Variants in PRKCH observed in about 807,000 individuals in gnomAD.
The protein encoded by PRKCH is protein kinase C eta type.
In PRKCH, 28 loss-of-function variants were observed where a neutral mutation model predicts 82.5. The observed-to-expected ratio is 0.34, with a 90% CI of 0.25 to 0.47. PRKCH has a LOEUF of 0.47. PRKCH is among the 20% of genes least tolerant of loss of function. The pLI, the probability that PRKCH is intolerant of heterozygous loss-of-function variation, is 1.00. For synonymous variants in PRKCH, 322 were observed against 327.4 expected (o/e 0.98, Z 0.18); for missense variants, 705 against 881.8 (o/e 0.80, Z 2.54).
At chr14:61,429,390 A>C (rs1356413592) in intron 2 of PRKCH, among the ~76,000 whole-genome samples, 1 of 152,260 alleles carries the variant, frequency 6.6e-6, no homozygotes, top group Non-Finnish European at 1.5e-5. Context: ...AGCAACATTT[A>C]TAAATGCTTT....
chr14:61,355,500 T>C (rs1229724092), intron 1 of PRKCH, among the ~76,000 whole-genome samples: 5 of 152,206 alleles, frequency 3.3e-5, no homozygotes, highest in Non-Finnish European at 5.9e-5. Context: ...CACTTTCTTA[T>C]ATTTTAGTGT....
At chr14:61,476,564 C>T (rs1012754560) in intron 9 of PRKCH, 1 of 152,174 alleles carries the variant, frequency 6.6e-6, no homozygotes, top group Non-Finnish European at 1.5e-5. Flanking sequence ...GGTAGATTTC[C>T]TCTTTGTTTC....
At chr14:61,255,556 G>A (rs1289931507) in intron 1 of PRKCH, among the ~76,000 whole-genome samples, 1 of 152,014 alleles carries the variant, frequency 6.6e-6, no homozygotes, top group Admixed American at 6.6e-5. Context: ...TCTTGTAAGA[G>A]GCAAATTCAA....
chr14:61,531,774 C>G (rs1439088331), intron 12 of PRKCH, among the ~76,000 whole-genome samples: 1 of 152,168 alleles, frequency 6.6e-6, no homozygotes, highest in African/African-American at 2.4e-5. Flanking sequence ...GGGATTCTAC[C>G]AAATATCTCC....
chr14:61,410,726 C>G (rs916162687), intron 2 of PRKCH, among the ~76,000 whole-genome samples: 1 of 152,192 alleles, frequency 6.6e-6, no homozygotes, highest in Non-Finnish European at 1.5e-5. Context: ...TAAGCGTTAC[C>G]TGTAGGCAAC....
rs555507084 is a variant in PRKCH at position 61,436,681 on chromosome 14, C to T, written c.428-6430C>T. On this transcript the variant is annotated intron_variant, in intron 2 of 13. Coordinates refer to ENST00000332981, the MANE Select transcript of PRKCH (RefSeq NM_006255.5). ...CTGAGTAGCTGGGATTACAGGTGCCCGCCACCAGGCCTGGCTAATTTTTGT... is the reference window on the plus strand; with the variant it reads ...CTGAGTAGCTGGGATTACAGGTGCCTGCCACCAGGCCTGGCTAATTTTTGT... Among the ~76,000 whole-genome samples, 315 of 152,166 alleles carry T rather than the reference C, an allele frequency of 2.1e-3. 3 individuals are homozygous for T. The highest frequency in any genetic ancestry group is 6.2e-3 in the African/African-American group (258 of 41,508).
intron 10 of PRKCH, among the ~76,000 whole-genome samples, chr14:61,517,612 C>T (rs1036781118): frequency 2.0e-5 from 3 of 152,198 alleles, no homozygotes; most frequent in African/African-American, 7.2e-5. Context: ...CTAGCATTTA[C>T]CTAGCACTGT....
intron 1 of PRKCH, among the ~76,000 whole-genome samples, chr14:61,356,011 T>A (rs1466726501): frequency 6.6e-6 from 1 of 152,108 alleles, no homozygotes; most frequent in East Asian, 1.9e-4. Flanking sequence ...AGGAGGGTAG[T>A]CTTTCTGGTA....
intron 11 of PRKCH, among the ~76,000 whole-genome samples, chr14:61,530,054 A>G (rs906460403): frequency 1.3e-5 from 2 of 152,240 alleles, no homozygotes; most frequent in Non-Finnish European, 2.9e-5. Flanking sequence ...GCAGAACTAA[A>G]GAAAGGCTCT....
chr14:61,413,608 C>G (rs754758592), intron 2 of PRKCH, among the ~76,000 whole-genome samples: 4 of 152,074 alleles, frequency 2.6e-5, no homozygotes, highest in Admixed American at 1.3e-4. Context: ...TGCTTCCTCA[C>G]GAACTTTGCT....
intron 10 of PRKCH, among the ~76,000 whole-genome samples, chr14:61,520,570 C>T (rs2042893027): frequency 6.6e-6 from 1 of 152,100 alleles, no homozygotes; most frequent in Non-Finnish European, 1.5e-5. Flanking sequence ...ATAAACAACT[C>T]AAGTTTTTAA....
At chr14:61,231,019 A>G (rs2044738722) in intron 1 of PRKCH, among the ~76,000 whole-genome samples, 1 of 152,232 alleles carries the variant, frequency 6.6e-6, no homozygotes, top group South Asian at 2.1e-4. Flanking sequence ...GATTATATTC[A>G]TTAACAGGGA....
At position 61,457,222 on chromosome 14, in the gene PRKCH, G is replaced by A; in HGVS notation, c.1007G>A (p.Ser336Asn). The A allele has an allele frequency of 6.2e-7, 1 of 1,614,172 alleles. No individual in the cohort carries two copies. The change falls in exon 8 of 14, where the codon AGC becomes AAC. Residue 336 changes from serine (S) to asparagine (N), a missense_variant. Transcript: ENST00000332981. The stretch of plus-strand genomic sequence containing the variant: ...CTAAGACGACAGGGAAAGGAGAGCA[G>A]CAAAGAAGGAAATGGGATTGGGGTT... Reference protein sequence around the residue: ...STLRRQGKESSKEGNGIGVNS... With the variant: ...STLRRQGKESNKEGNGIGVNS...
intron 1 of PRKCH, among the ~76,000 whole-genome samples, chr14:61,197,640 A>T (rs566718898): frequency 6.6e-6 from 1 of 152,138 alleles, no homozygotes; most frequent in Admixed American, 6.5e-5. Context: ...GAATGAATTA[A>T]TCCATTCATG....
chr14:61,223,054 T>C (rs1158962999), intron 1 of PRKCH, among the ~76,000 whole-genome samples: 3 of 152,220 alleles, frequency 2.0e-5, no homozygotes, highest in Non-Finnish European at 4.4e-5. Context: ...AGCCCATCTC[T>C]TAGTTTTTTC....
At chr14:61,214,026 C>A (rs1011130988) in intron 1 of PRKCH, among the ~76,000 whole-genome samples, 6 of 152,144 alleles carry the variant, frequency 3.9e-5, no homozygotes, top group African/African-American at 1.4e-4. Context: ...TCTAGGAATT[C>A]TTTAGGCACA....
At chr14:61,196,471 G>A (rs1011535220) in intron 1 of PRKCH, among the ~76,000 whole-genome samples, 5 of 152,102 alleles carry the variant, frequency 3.3e-5, no homozygotes, top group Admixed American at 6.5e-5. Flanking sequence ...ATCTGAAGAC[G>A]GCAAATTGAA....
chr14:61,514,863 G>T (rs2042800356), intron 10 of PRKCH, among the ~76,000 whole-genome samples: 3 of 152,192 alleles, frequency 2.0e-5, no homozygotes. Flanking sequence ...TTTGAAATTT[G>T]TTCTCTCTGC....
At chr14:61,381,930 C>T (rs2046517626) in intron 1 of PRKCH, among the ~76,000 whole-genome samples, 1 of 152,238 alleles carries the variant, frequency 6.6e-6, no homozygotes, top group African/African-American at 2.4e-5. Context: ...ACCAGCGTGG[C>T]ATCTTCCCAG....
Sources: gnomAD v4.1 joint callset for allele counts (sites outside exome capture counted in the v4.1 genomes callset) on GRCh38, gnomAD v4.1.1 for gene constraint, MANE v1.5 for transcripts, NCBI Gene and HGNC (gene_info 2026-07-23, HGNC 2026-07-21) for gene names.